Variants in NPFFR1 observed in about 807,000 individuals in gnomAD.
The protein encoded by NPFFR1 is G-protein coupled receptor 147.
In NPFFR1, 17 loss-of-function variants were observed where a neutral mutation model predicts 12.7. The ratio of observed to expected loss-of-function variants is 1.34; its 90% CI spans 0.92 to 2.01. The LOEUF (loss-of-function observed/expected upper bound fraction) is 2.01. NPFFR1 is among the 30% of genes most tolerant of loss of function. The pLI is 0.00. For missense variants in NPFFR1, 604 were observed against 606.5 expected (o/e 1.00, Z 0.04); for synonymous variants, 296 against 264.5 (o/e 1.12, Z -1.16).
chr10:70,254,851 G>A lies in NPFFR1; in HGVS notation c.*106C>T. Reference sequence around the variant, plus strand: ...CCCACCACTGCCTGGCTCTGGAGAGGGAGGGACCACGCATCCTCACCTAAC... The same window carrying A: ...CCCACCACTGCCTGGCTCTGGAGAGAGAGGGACCACGCATCCTCACCTAAC... On this transcript the variant is annotated 3_prime_UTR_variant, in exon 4 of 4. Transcript: ENST00000277942. 2 of 1,246,124 alleles carry A rather than the reference G, an allele frequency of 1.6e-6. No homozygotes were observed. Among genetic ancestry groups the A allele is most frequent in the South Asian group, 2.5e-5 (1 of 40,430 alleles). The allele number at this position is 1,246,124 out of a possible 1,614,324, so 77.2% of individuals were successfully genotyped here.
At chr10:70,270,347 C>A (rs2136803906) in intron 1 of NPFFR1, among the ~76,000 whole-genome samples, 1 of 152,280 alleles carries the variant, frequency 6.6e-6, no homozygotes, top group Non-Finnish European at 1.5e-5. Context: ...CTCATCCCAG[C>A]ACCTGTTGGG....
At chr10:70,259,143 A>G (rs868628348) in intron 3 of NPFFR1, among the ~76,000 whole-genome samples, 5 of 152,098 alleles carry the variant, frequency 3.3e-5, no homozygotes, top group African/African-American at 2.4e-5. Flanking sequence ...AAAATTAGCC[A>G]TGCATGGTGG....
intron 3 of NPFFR1, 32 bp downstream of exon 3, chr10:70,260,608 C>T (rs764070381): frequency 8.3e-6 from 13 of 1,564,194 alleles, no homozygotes; most frequent in Non-Finnish European, 1.0e-5. Context: ...CCCTAGTTGG[C>T]TCAGGCATAA....
chr10:70,270,666 A>C (rs1039617977), intron 1 of NPFFR1, among the ~76,000 whole-genome samples: 2 of 152,170 alleles, frequency 1.3e-5, no homozygotes, highest in Admixed American at 6.5e-5. Context: ...ACTCCTTCCC[A>C]TTCCTGGCAA....
intron 1 of NPFFR1, among the ~76,000 whole-genome samples, chr10:70,277,651 T>C (rs761749737): frequency 2.6e-4 from 39 of 152,294 alleles, no homozygotes; most frequent in Admixed American, 7.2e-4. Flanking sequence ...TGCGGGTGTA[T>C]ATCCTCCCAG....
intron 2 of NPFFR1, among the ~76,000 whole-genome samples, chr10:70,265,072 C>T (rs1840675622): frequency 6.6e-6 from 1 of 152,210 alleles, no homozygotes; most frequent in African/African-American, 2.4e-5. Context: ...AGCTGGGACT[C>T]AGCAGTGGGT....
chr10:70,267,739 C>T (rs959353284), intron 1 of NPFFR1, among the ~76,000 whole-genome samples: 16 of 152,218 alleles, frequency 1.1e-4, no homozygotes, highest in South Asian at 2.1e-4. Flanking sequence ...TTCTGTCACA[C>T]CGAGAACTCA....
At position 70,248,517 on chromosome 10, in the gene NPFFR1, A is replaced by G. The variant is rs1205376218; in HGVS notation, c.*6440T>C. The G allele has an allele frequency of 9.3e-6, 1 of 107,172 alleles. No homozygotes were observed. Among genetic ancestry groups the G allele is most frequent in the Non-Finnish European group, 1.7e-5 (1 of 58,016 alleles). The allele number at this position is 107,172 out of a possible 1,614,324, so 6.6% of individuals were successfully genotyped here. A position where few individuals can be genotyped will look rare whatever the true frequency, so the allele number is the denominator to read the frequency against. ...TTTTTTTTTTTTGAGATGGAGTCTCACTCTGTTGCCCAGGATAGAGTACAG... is the reference window on the plus strand; with the variant it reads ...TTTTTTTTTTTTGAGATGGAGTCTCGCTCTGTTGCCCAGGATAGAGTACAG... On this transcript the variant is annotated 3_prime_UTR_variant, in exon 4 of 4. Coordinates refer to ENST00000277942, the MANE Select transcript of NPFFR1 (RefSeq NM_022146.5).
chr10:70,283,207 T>TTCTCTCTCTCTCTCACTC, intron 1 of NPFFR1, among the ~76,000 whole-genome samples: 1 of 112,754 alleles, frequency 8.9e-6, no homozygotes, highest in East Asian at 3.0e-4. Context: ...CCCCAGGTCT[T>TTCTCTCTCTCTCTCACTC]TCTCTCTCTC....
At chr10:70,277,929 G>A (rs1180645810) in intron 1 of NPFFR1, 2 of 500,476 alleles carry the variant, frequency 4.0e-6, no homozygotes, top group African/African-American at 3.9e-5. Flanking sequence ...GTCTCTAGAT[G>A]TTGGGGAAGA....
chr10:70,258,343 C>A (rs938719638), intron 3 of NPFFR1, among the ~76,000 whole-genome samples: 5 of 151,568 alleles, frequency 3.3e-5, no homozygotes, highest in Non-Finnish European at 4.4e-5. Context: ...TACTGTGCAA[C>A]CAGAGTTGAA....
chr10:70,261,441 C>T (rs188476848), intron 2 of NPFFR1, among the ~76,000 whole-genome samples: 1 of 152,182 alleles, frequency 6.6e-6, no homozygotes, highest in African/African-American at 2.4e-5. Context: ...GCCTAATATA[C>T]ACGGGTTTTG....
At chr10:70,274,454 TAA>T (rs1186190479) in intron 1 of NPFFR1, among the ~76,000 whole-genome samples, 1 of 151,006 alleles carries the variant, frequency 6.6e-6, no homozygotes, top group Non-Finnish European at 1.5e-5. Context: ...ATCTTGAAAA[TAA>T]AAAAGAGAGA....
At chr10:70,263,927 C>G (rs905062664) in intron 2 of NPFFR1, among the ~76,000 whole-genome samples, 13 of 151,696 alleles carry the variant, frequency 8.6e-5, no homozygotes, top group Middle Eastern at 3.4e-3. Context: ...GCCTGGGTAA[C>G]ATGACAAAAC....
Position 70,266,290 on chromosome 10 carries a change from G to A in NPFFR1, c.109C>T (p.Gln37Ter), listed in dbSNP as rs1564595424. ...ATGGCCGCCACAGGGGAGGTGTGCT[G>A]ATAGTAGGAGGAGAAGGTGAGGTTT... ...ATNLTFSSYYQHTSPVAAMFI... is the reference protein window; with the variant it reads ...ATNLTFSSYY Residue 37 changes from glutamine to a stop codon, truncating the protein, a stop_gained, in exon 2 of 4, where the codon CAG becomes TAG. Coordinates refer to ENST00000277942, the MANE Select transcript of NPFFR1 (RefSeq NM_022146.5). LOFTEE classifies it high-confidence loss of function. 1 of 1,613,900 alleles carries A rather than the reference G, an allele frequency of 6.2e-7. No homozygotes were observed. Among genetic ancestry groups the A allele is most frequent in the Admixed American group, 1.7e-5 (1 of 59,980 alleles).
chr10:70,280,168 G>T (rs1002968518), intron 1 of NPFFR1, among the ~76,000 whole-genome samples: 3 of 152,182 alleles, frequency 2.0e-5, no homozygotes, highest in African/African-American at 7.2e-5. Flanking sequence ...GGCTATTGTG[G>T]ATAGCGCTGC....
rs1236776821 is a variant in NPFFR1 at position 70,248,471 on chromosome 10, T to TTTTTTTG, written c.*6479_*6485dup. On this transcript the variant is annotated 3_prime_UTR_variant, in exon 4 of 4. Coordinates refer to ENST00000277942, the MANE Select transcript of NPFFR1 (RefSeq NM_022146.5). ...GTACGTAGTACTATGCCTGGCGTTT[T>TTTTTTTG]TTTTTTGTTTTTTGTTTTTTTTTTT... 6.7e-5 allele frequency: 6 copies of TTTTTTTG among 89,132 alleles called. No homozygotes were observed. The highest frequency in any genetic ancestry group is 2.5e-4 in the African/African-American group (6 of 23,876). The allele number at this position is 89,132 out of a possible 1,614,324, so 5.5% of individuals were successfully genotyped here.
At chr10:70,256,099 G>A (rs1840569914) in intron 3 of NPFFR1, among the ~76,000 whole-genome samples, 1 of 150,986 alleles carries the variant, frequency 6.6e-6, no homozygotes, top group Non-Finnish European at 1.5e-5. Flanking sequence ...CCTGAGACAG[G>A]GCCTCCTTCT....
rs776024814 is a variant in NPFFR1, at chr10:70,255,300, A to T, written c.950T>A (p.Leu317Gln). 1 of 1,583,286 alleles carries T rather than the reference A, an allele frequency of 6.3e-7. No homozygotes were observed. Among genetic ancestry groups the T allele is most frequent in the South Asian group, 1.1e-5 (1 of 87,216 alleles). The change falls in exon 4 of 4, where the codon CTG becomes CAG. Residue 317 changes from leucine to glutamine, a missense_variant. Coordinates refer to ENST00000277942, the MANE Select transcript of NPFFR1 (RefSeq NM_022146.5). This position sits in a 1 kb window ranked among gnomAD's most constrained non-coding sequence, Gnocchi z 4.2. Reference protein sequence around the residue: ...TVYAFPFAHWLAFFNSSANPI... With the variant: ...TVYAFPFAHWQAFFNSSANPI... Reference sequence around the variant, plus strand: ...GTTGGCGCTGCTGTTGAAGAAGGCCAGCCAGTGCGCGAAGGGGAAGGCGTA... The same window carrying T: ...GTTGGCGCTGCTGTTGAAGAAGGCCTGCCAGTGCGCGAAGGGGAAGGCGTA...
Sources: allele counts gnomAD v4.1 joint callset (sites outside exome capture counted in the v4.1 genomes callset), GRCh38; gene constraint gnomAD v4.1.1; non-coding constraint Gnocchi (gnomAD v3.1); transcripts MANE v1.5; gene names NCBI Gene and HGNC (gene_info 2026-07-23, HGNC 2026-07-21).